Variants in OSBPL10 observed in about 807,000 individuals in gnomAD.
OSBPL10 encodes oxysterol binding protein like 10.
A neutral mutation model predicts 81.7 loss-of-function variants in OSBPL10; 49 were observed. The ratio of observed to expected loss-of-function variants is 0.60; its 90% CI spans 0.48 to 0.76. OSBPL10 has a LOEUF of 0.76. OSBPL10 is among the 30% of genes least tolerant of loss of function. OSBPL10 has a pLI of 0.00. For missense variants in OSBPL10, 923 were observed against 987.8 expected (o/e 0.93, Z 0.88); for synonymous variants, 419 against 383.6 (o/e 1.09, Z -1.08).
chr3:32,006,682 C>G lies in OSBPL10; in HGVS notation n.298+39809G>C, dbSNP rs540641810. On this transcript the variant is annotated intron_variant and non_coding_transcript_variant, in intron 2 of 3. Coordinates refer to the OSBPL10 transcript ENST00000479173. ...TTTCTCCAATAGTGAGGCACTGTTGCCTTTCTCCACTGACTTGTGGTGTCA... is the reference window on the plus strand; with the variant it reads ...TTTCTCCAATAGTGAGGCACTGTTGGCTTTCTCCACTGACTTGTGGTGTCA... Among the ~76,000 whole-genome samples the G allele has an allele frequency of 1.1e-4, 17 of 152,290 alleles. 1 individual carries two copies. The South Asian group carries it at 3.5e-3, about 32-fold the overall frequency.
rs1389853981 is a variant in OSBPL10, at chr3:31,748,032, T to G, written c.818A>C (p.Gln273Pro). 3 of 1,614,184 alleles carry G rather than the reference T, an allele frequency of 1.9e-6. No homozygotes were observed. In the Admixed American group the frequency reaches 5.0e-5, roughly 27 times the overall value. ...PGSGPLTALD[Q>P]DLLLLKATSA... ...GGTAGCTTTCAGGAGCAGCAGGTCC[T>G]GGTCCAAGGCAGTGAGGGGGCCGGA... Residue 273 changes from glutamine (Q) to proline (P), a missense_variant, in exon 5 of 12, where the codon CAG (glutamine) becomes CCG (proline). By Grantham distance (76) the Gln-to-Pro change is moderately conservative. This residue lies in a region of OSBPL10 where 514 missense variants were observed against 508.0 expected (regional missense o/e 1.01). Coordinates refer to ENST00000396556, the MANE Select transcript of OSBPL10 (RefSeq NM_017784.5).
At chr3:31,971,717 A>C (rs1244195312) in intron 1 of OSBPL10, among the ~76,000 whole-genome samples, 1 of 152,102 alleles carries the variant, frequency 6.6e-6, no homozygotes, top group Non-Finnish European at 1.5e-5. Flanking sequence ...GGAAAGGATG[A>C]TCAAACTACA....
intron 1 of OSBPL10, among the ~76,000 whole-genome samples, chr3:31,955,647 A>G (rs1167656632): frequency 6.6e-6 from 1 of 152,166 alleles, no homozygotes; most frequent in Admixed American, 6.5e-5. Flanking sequence ...AGGAGAATTT[A>G]CCCACCAGGG....
At chr3:31,830,437 T>A (rs1211721538) in intron 3 of OSBPL10, among the ~76,000 whole-genome samples, 1 of 152,154 alleles carries the variant, frequency 6.6e-6, no homozygotes, top group Non-Finnish European at 1.5e-5. Context: ...TCTGGTTTCA[T>A]CTCCAATTGT....
chr3:31,668,445 A>G (rs1227978383), intron 10 of OSBPL10, among the ~76,000 whole-genome samples, 197 bp downstream of exon 10: 2 of 152,250 alleles, frequency 1.3e-5, no homozygotes, highest in African/African-American at 4.8e-5. Context: ...TGACTACAGA[A>G]TGACGTAACT....
At chr3:31,761,489 A>G (rs1698039308) in intron 4 of OSBPL10, among the ~76,000 whole-genome samples, 1 of 148,008 alleles carries the variant, frequency 6.8e-6, no homozygotes, top group Non-Finnish European at 1.5e-5. Flanking sequence ...AAAAAAAAAA[A>G]GTTTCCATAT....
At chr3:31,675,903 G>C (rs1413638615) in intron 8 of OSBPL10, among the ~76,000 whole-genome samples, 2 of 138,794 alleles carry the variant, frequency 1.4e-5, no homozygotes, top group African/African-American at 5.6e-5. Context: ...CCGAGATTGC[G>C]CCACTGCACT....
chr3:31,980,839 ACG>A (rs1210639772), intron 1 of OSBPL10, 58 bp downstream of exon 1: 52 of 1,413,866 alleles, frequency 3.7e-5, no homozygotes, highest in Middle Eastern at 2.5e-4. Flanking sequence ...ACACACACGC[ACG>A]CACACACACA....
intron 3 of OSBPL10, among the ~76,000 whole-genome samples, chr3:31,870,017 G>C (rs1296016016): frequency 2.6e-5 from 4 of 152,250 alleles, no homozygotes; most frequent in Admixed American, 2.6e-4. Context: ...TCCCACTTTG[G>C]TGGCACTTGA....
chr3:31,881,408 G>T (rs1394525695), intron 1 of OSBPL10, among the ~76,000 whole-genome samples: 1 of 152,126 alleles, frequency 6.6e-6, no homozygotes, highest in East Asian at 1.9e-4. Flanking sequence ...GGGATACATG[G>T]CGAGACTCAA....
intron 6 of OSBPL10, among the ~76,000 whole-genome samples, chr3:31,713,676 C>T (rs1283326643): frequency 6.6e-6 from 1 of 152,162 alleles, no homozygotes; most frequent in African/African-American, 2.4e-5. Context: ...GGATTACAGG[C>T]ATGAGCCACC....
At chr3:31,901,053 G>A (rs755227437) in intron 1 of OSBPL10, among the ~76,000 whole-genome samples, 16 of 152,152 alleles carry the variant, frequency 1.1e-4, no homozygotes, top group Admixed American at 2.6e-4. Context: ...GACATTAAAC[G>A]AAAATAGATG....
chr3:31,895,133 C>CATTTTTTTTT (rs1559508699), intron 1 of OSBPL10, among the ~76,000 whole-genome samples: 1 of 117,878 alleles, frequency 8.5e-6, no homozygotes, highest in Admixed American at 7.9e-5. Flanking sequence ...TTCTCTGCGG[C>CATTTTTTTTT]CTTTTTTTTT....
rs1390467317 is a variant in OSBPL10 at position 31,769,448 on chromosome 3, AAAAAAAAAAAC to A, written c.730-21339_730-21329del. The stretch of plus-strand genomic sequence containing the variant: ...CAACAAGAGCAAAACTCCATCTCAA[AAAAAAAAAAAC>A]AAAAAAAAAACAAAAAAAAACAGAA... On this transcript the variant is annotated intron_variant, in intron 4 of 11. Transcript: ENST00000396556. Among the ~76,000 whole-genome samples, 24 of 92,088 alleles carry A rather than the reference AAAAAAAAAAAC, an allele frequency of 2.6e-4. 4 individuals carry two copies. The highest frequency in any genetic ancestry group is 9.6e-4 in the African/African-American group (22 of 22,936). 60.4% of individuals were successfully genotyped at this position (92,088 alleles called of 152,430 possible). A position where few individuals can be genotyped will look rare whatever the true frequency, so the allele number is the denominator to read the frequency against.
chr3:31,849,868 T>C (rs1360724571), intron 3 of OSBPL10, among the ~76,000 whole-genome samples: 1 of 151,894 alleles, frequency 6.6e-6, no homozygotes, highest in Non-Finnish European at 1.5e-5. Context: ...TGAGTCTCCT[T>C]CTCTACAAAA....
chr3:32,036,953 T>C (rs1287439438), intron 2 of OSBPL10, among the ~76,000 whole-genome samples: 1 of 152,162 alleles, frequency 6.6e-6, no homozygotes, highest in African/African-American at 2.4e-5. Flanking sequence ...GTCCTACTAG[T>C]ATAGACAGGC....
intron 4 of OSBPL10, among the ~76,000 whole-genome samples, chr3:31,810,227 A>G (rs1467239785): frequency 1.3e-5 from 2 of 152,204 alleles, no homozygotes; most frequent in Non-Finnish European, 2.9e-5. Flanking sequence ...CAGTAAAGCC[A>G]TAATGATTGA....
At chr3:31,944,020 T>C (rs1016218249) in intron 1 of OSBPL10, among the ~76,000 whole-genome samples, 5 of 124,866 alleles carry the variant, frequency 4.0e-5, no homozygotes, top group Non-Finnish European at 8.3e-5. Context: ...ACACTTAATA[T>C]ATGAATAATA....
chr3:31,674,515 A>G (rs1700405461), intron 8 of OSBPL10, among the ~76,000 whole-genome samples: 1 of 152,164 alleles, frequency 6.6e-6, no homozygotes, highest in African/African-American at 2.4e-5. Context: ...AGCCATGGTC[A>G]CGTCACTGCA....
Sources: gnomAD v4.1 joint callset for allele counts (sites outside exome capture counted in the v4.1 genomes callset) on GRCh38, gnomAD v4.1.1 for gene constraint, gnomAD v4.1.1 regional missense constraint, MANE v1.5 for transcripts, NCBI Gene and HGNC (gene_info 2026-07-23, HGNC 2026-07-21) for gene names.